The following ATRNL1 variants were observed in gnomAD, a reference collection of about 807,000 sequenced individuals.
ATRNL1 encodes the protein attractin like 1, also known as attractin-like protein 1.
In ATRNL1, 95 loss-of-function variants were observed where a neutral mutation model predicts 182.7. The observed-to-expected ratio is 0.52, with a 90% confidence interval of 0.44 to 0.62. The LOEUF (loss-of-function observed/expected upper bound fraction) is 0.62. Among genes scored for constraint, ATRNL1 ranks in the 20% least tolerant of loss-of-function variants. ATRNL1 has a pLI of 0.00. For missense variants in ATRNL1, 1,471 were observed against 1,679.5 expected (o/e 0.88, Z 2.17); for synonymous variants, 576 against 568.3 (o/e 1.01, Z -0.19).
At chr10:115,250,944 G>A (rs1231867235) in intron 10 of ATRNL1, among the ~76,000 whole-genome samples, 7 of 152,176 alleles carry the variant, frequency 4.6e-5, no homozygotes, top group African/African-American at 1.7e-4. Context: ...AAAGAGGGCG[G>A]AATTAATATC....
At chr10:115,259,961 C>G (rs1851327108) in intron 10 of ATRNL1, among the ~76,000 whole-genome samples, 6 of 152,130 alleles carry the variant, frequency 3.9e-5, no homozygotes, top group Admixed American at 3.9e-4. Context: ...GCACAAATGT[C>G]TATCAAAAGT....
intron 14 of ATRNL1, among the ~76,000 whole-genome samples, chr10:115,284,179 C>T (rs539085798): frequency 1.3e-5 from 2 of 152,190 alleles, no homozygotes; most frequent in South Asian, 4.1e-4. Flanking sequence ...TAAGTTGTTG[C>T]TTAATACTAC....
intron 13 of ATRNL1, among the ~76,000 whole-genome samples, chr10:115,278,047 A>G (rs996908186): frequency 6.6e-6 from 1 of 152,212 alleles, no homozygotes; most frequent in African/African-American, 2.4e-5. Context: ...TTGATAAAGC[A>G]TCTTTTTACC....
chr10:115,278,363 G>T (rs1195660821), intron 13 of ATRNL1, among the ~76,000 whole-genome samples: 1 of 152,308 alleles, frequency 6.6e-6, no homozygotes, highest in Admixed American at 6.5e-5. Context: ...AACAAAGATT[G>T]ATTCATGAAT....
intron 16 of ATRNL1, 107 bp from the exon 17 acceptor site, chr10:115,301,748 G>A (rs1853479492): frequency 2.3e-6 from 2 of 874,100 alleles, no homozygotes; most frequent in Admixed American, 3.6e-5. Flanking sequence ...TAATGCCACA[G>A]TTGGCTTAAT....
intron 26 of ATRNL1, among the ~76,000 whole-genome samples, chr10:115,671,498 C>A (rs2532730): frequency 0.99 from 151,043 of 152,260 alleles, 74,930 homozygotes; most frequent in Middle Eastern, 1. Context: ...AATGATGATT[C>A]GACCTGCCTT....
intron 5 of ATRNL1, among the ~76,000 whole-genome samples, chr10:115,133,344 A>G (rs1223280256): frequency 1.3e-5 from 2 of 152,162 alleles, no homozygotes; most frequent in Admixed American, 6.6e-5. Context: ...GCCTTGTAAT[A>G]TAGTTTGAAG....
chr10:115,277,863 G>T (rs1180968832), intron 13 of ATRNL1, among the ~76,000 whole-genome samples: 3 of 152,020 alleles, frequency 2.0e-5, no homozygotes, highest in Admixed American at 2.0e-4. Flanking sequence ...ATTACATTAT[G>T]TAGATTTGGA....
chr10:115,378,931 GC>G (rs1245007873), intron 19 of ATRNL1, among the ~76,000 whole-genome samples: 1 of 152,128 alleles, frequency 6.6e-6, no homozygotes, highest in Admixed American at 6.5e-5. Context: ...GATGATGCAA[GC>G]AAGGAAATAA....
chr10:115,880,354 T>G (rs1465318979), intron 28 of ATRNL1, among the ~76,000 whole-genome samples: 1 of 152,158 alleles, frequency 6.6e-6, no homozygotes, highest in Non-Finnish European at 1.5e-5. Context: ...CCAGGTACGG[T>G]GGCTCACGCC....
At chr10:115,822,061 G>A (rs1950313167) in intron 27 of ATRNL1, among the ~76,000 whole-genome samples, 2 of 152,036 alleles carry the variant, frequency 1.3e-5, no homozygotes, top group African/African-American at 4.8e-5. Context: ...GCAAAAAATG[G>A]AAATCATAAC....
chr10:115,205,788 A>G (rs1554893594), intron 8 of ATRNL1, among the ~76,000 whole-genome samples: 1 of 151,966 alleles, frequency 6.6e-6, no homozygotes, highest in African/African-American at 2.4e-5. Context: ...TTTCTTGTAT[A>G]TTTCATCTAC....
intron 27 of ATRNL1, among the ~76,000 whole-genome samples, chr10:115,829,708 T>G (rs1349794565): frequency 6.6e-6 from 1 of 152,024 alleles, no homozygotes; most frequent in East Asian, 1.9e-4. Context: ...AATCAAGGGA[T>G]TTTCTTTTCC....
At chr10:115,880,670 G>A (rs137865568) in intron 28 of ATRNL1, among the ~76,000 whole-genome samples, 84 of 152,252 alleles carry the variant, frequency 5.5e-4, no homozygotes, top group South Asian at 2.1e-3. Context: ...GGAACTGGAA[G>A]GGCCTGGAAG....
At chr10:115,538,005 A>G (rs1314493183) in intron 25 of ATRNL1, among the ~76,000 whole-genome samples, 3 of 152,150 alleles carry the variant, frequency 2.0e-5, no homozygotes, top group East Asian at 1.9e-4. Flanking sequence ...TTTAAGATTC[A>G]TCCAAGGTGC....
intron 27 of ATRNL1, among the ~76,000 whole-genome samples, chr10:115,771,286 A>C (rs1338191429): frequency 3.4e-5 from 5 of 148,230 alleles, no homozygotes; most frequent in Non-Finnish European, 7.4e-5. Flanking sequence ...GCCGGACTGC[A>C]GTGGCACTAT....
intron 24 of ATRNL1, among the ~76,000 whole-genome samples, chr10:115,505,104 A>G (rs782465311): frequency 3.7e-4 from 57 of 152,150 alleles, no homozygotes; most frequent in Non-Finnish European, 6.2e-4. Context: ...GAGGGAGATT[A>G]AAGATGGATG....
At chr10:115,737,028 C>T (rs1252131930) in intron 27 of ATRNL1, among the ~76,000 whole-genome samples, 2 of 152,098 alleles carry the variant, frequency 1.3e-5, no homozygotes, top group South Asian at 2.1e-4. Flanking sequence ...TTGCTTGCTG[C>T]TCATTGCACC....
intron 5 of ATRNL1, among the ~76,000 whole-genome samples, chr10:115,155,987 C>T (rs998617629): frequency 2.6e-5 from 4 of 151,942 alleles, no homozygotes; most frequent in African/African-American, 9.7e-5. Context: ...ACAGACCAGA[C>T]ACCAATCAAA....
Sources: gnomAD v4.1 joint callset for allele counts (sites outside exome capture counted in the v4.1 genomes callset) on GRCh38, gnomAD v4.1.1 for gene constraint, MANE v1.5 for transcripts, NCBI Gene and HGNC (gene_info 2026-07-23, HGNC 2026-07-21) for gene names.